ANXA3: variants seen among roughly 807,000 people sequenced by gnomAD.
The protein encoded by ANXA3 is 35-alpha calcimedin.
ANXA3 carries 46 observed loss-of-function variants against 48.8 expected under a neutral mutation model. The ratio of observed to expected loss-of-function variants is 0.94; its 90% CI spans 0.74 to 1.21. ANXA3 has a LOEUF of 1.21. Ranked by LOEUF, ANXA3 falls within the 50% of genes most tolerant of loss-of-function variation. The pLI is 0.00. For synonymous variants in ANXA3, 128 were observed against 134.7 expected, an observed-to-expected ratio of 0.95 and a Z score of 0.35; for missense variants, 383 against 378.6, an observed-to-expected ratio of 1.01 and a Z score of -0.10.
At chr4:78,576,462 A>G in intron 3 of ANXA3, among the ~76,000 whole-genome samples, 1 of 151,960 alleles carries the variant, frequency 6.6e-6, no homozygotes, top group East Asian at 1.9e-4. Flanking sequence ...ATGTGTACCT[A>G]ATTTTTAAAT....
At chr4:78,590,217 G>A (rs1305549947) in intron 6 of ANXA3, among the ~76,000 whole-genome samples, 2 of 152,074 alleles carry the variant, frequency 1.3e-5, no homozygotes, top group African/African-American at 2.4e-5. Context: ...TATCTAACTA[G>A]AATGAAGGAT....
rs560254926 is a variant in ANXA3, at chr4:78,586,576, TATA to T, written c.403+230_403+232del. Reference sequence around the variant, plus strand: ...AACAATAGCATTAATGCTTTACATTTATAATATTACAGCTGCAGTGGATTTTGC... The same window carrying T: ...AACAATAGCATTAATGCTTTACATTTATATTACAGCTGCAGTGGATTTTGC... On this transcript the variant is annotated intron_variant, in intron 6 of 12. Transcript: ENST00000264908. Among the ~76,000 whole-genome samples the T allele has an allele frequency of 7.9e-5, 12 of 152,350 alleles. No homozygotes were observed. In the South Asian group the frequency reaches 2.3e-3, roughly 29 times the overall value.
chr4:78,571,411 T>G (rs947292803), intron 2 of ANXA3, among the ~76,000 whole-genome samples: 1 of 152,228 alleles, frequency 6.6e-6, no homozygotes, highest in African/African-American at 2.4e-5. Context: ...TTATTTTAGA[T>G]GCTATAAGAT....
chr4:78,606,343 A>G (rs1279190648), intron 12 of ANXA3, among the ~76,000 whole-genome samples: 1 of 152,200 alleles, frequency 6.6e-6, no homozygotes, highest in African/African-American at 2.4e-5. Flanking sequence ...CTGAGGGTCT[A>G]AAACTGGGAA....
chr4:78,560,947 AAAAT>A (rs1722614774), intron 2 of ANXA3, among the ~76,000 whole-genome samples: 1 of 152,238 alleles, frequency 6.6e-6, no homozygotes, highest in African/African-American at 2.4e-5. Context: ...CATTATATTA[AAAAT>A]AAATAAAGTT....
chr4:78,596,268 A>G (rs1723422335), intron 9 of ANXA3, among the ~76,000 whole-genome samples: 1 of 152,208 alleles, frequency 6.6e-6, no homozygotes, highest in African/African-American at 2.4e-5. Context: ...AAAGCCAGAC[A>G]CTGCAGGTGA....
rs145026669 is a variant in ANXA3 at position 78,609,409 on chromosome 4, C to T, written c.913-647C>T. Among the ~76,000 whole-genome samples, 435 of 152,288 alleles carry T rather than the reference C, an allele frequency of 2.9e-3. 4 individuals are homozygous for T. Among genetic ancestry groups the T allele is most frequent in the African/African-American group, 9.8e-3 (408 of 41,570 alleles). On this transcript the variant is annotated intron_variant, in intron 12 of 12. Transcript: ENST00000264908. ...CTTTGCCCTTTAAGCCTCAACCTCA[C>T]GTAGTATCTTTTCTGGACAACAGTC...
intron 3 of ANXA3, 45 bp downstream of exon 3, chr4:78,573,312 A>G: frequency 2.8e-6 from 4 of 1,424,828 alleles, no homozygotes; most frequent in Non-Finnish European, 4.0e-6. Flanking sequence ...GAAGCAAATC[A>G]GGCAAGTTAC....
At chr4:78,596,744 A>T (rs974687290) in intron 9 of ANXA3, among the ~76,000 whole-genome samples, 2 of 152,216 alleles carry the variant, frequency 1.3e-5, no homozygotes, top group Admixed American at 1.3e-4. Context: ...TTCTTTTTTT[A>T]AAAATGTATT....
chr4:78,609,982 T>C, intron 12 of ANXA3, 74 bp from the exon 13 acceptor site: 1 of 1,160,988 alleles, frequency 8.6e-7, no homozygotes, highest in Non-Finnish European at 1.3e-6. Context: ...TCCCTAGTGC[T>C]ATAGGATTTG....
At chr4:78,587,006 C>A (rs998469663) in intron 6 of ANXA3, among the ~76,000 whole-genome samples, 1 of 152,102 alleles carries the variant, frequency 6.6e-6, no homozygotes, top group Non-Finnish European at 1.5e-5. Context: ...TTGAATAGCA[C>A]ACTAGAATGA....
At chr4:78,580,855 A>T (rs1723056518) in intron 4 of ANXA3, among the ~76,000 whole-genome samples, 1 of 152,238 alleles carries the variant, frequency 6.6e-6, no homozygotes, top group Non-Finnish European at 1.5e-5. Context: ...TGCCCAGAAA[A>T]CATTTGTTGA....
At chr4:78,595,688 G>A in intron 8 of ANXA3, 106 bp from the exon 9 acceptor site, 1 of 779,670 alleles carries the variant, frequency 1.3e-6, no homozygotes, top group East Asian at 2.7e-5. Flanking sequence ...GAGAGATTTA[G>A]ATAATAGATG....
intron 6 of ANXA3, among the ~76,000 whole-genome samples, chr4:78,588,844 T>G (rs1446710274): frequency 1.3e-5 from 2 of 152,196 alleles, no homozygotes; most frequent in East Asian, 3.8e-4. Context: ...CAGACAGAAG[T>G]AGACAAGAGA....
At chr4:78,555,811 A>T (rs1471170893) in intron 2 of ANXA3, among the ~76,000 whole-genome samples, 1 of 151,844 alleles carries the variant, frequency 6.6e-6, no homozygotes, top group East Asian at 1.9e-4. Context: ...TGTTCATACC[A>T]CTGTACTCCA....
intron 4 of ANXA3, among the ~76,000 whole-genome samples, chr4:78,580,315 G>A (rs1048728561): frequency 6.6e-6 from 1 of 152,108 alleles, no homozygotes; most frequent in Non-Finnish European, 1.5e-5. Flanking sequence ...TTAAGGTACA[G>A]AAAATATAAA....
rs1171714990 is a variant in ANXA3 at position 78,601,721 on chromosome 4, A to AAGGTATG, written c.789+154_789+155insGGTATGA. The AAGGTATG allele has an allele frequency of 1.1e-5, 7 of 622,496 alleles. No individual in the cohort carries two copies. In the East Asian group the frequency reaches 2.0e-4, roughly 18 times the overall value. 38.6% of individuals were successfully genotyped at this position (622,496 alleles called of 1,614,324 possible). A position where few individuals can be genotyped will look rare whatever the true frequency, so the allele number is the denominator to read the frequency against. The stretch of plus-strand genomic sequence containing the variant: ...ATTACAGCAAATCAAGGTATGATAC[A>AAGGTATG]ATACACTCTTTACACAGACACCTGA... On this transcript the variant is annotated intron_variant, in intron 11 of 12. Transcript: ENST00000264908.
chr4:78,604,190 C>A (rs1370641309), intron 11 of ANXA3, 87 bp from the exon 12 acceptor site: 2 of 1,254,382 alleles, frequency 1.6e-6, no homozygotes, highest in East Asian at 2.5e-5. Flanking sequence ...ATTTTGCACA[C>A]CATTATCTGA....
chr4:78,606,496 C>G (rs1723648200), intron 12 of ANXA3, among the ~76,000 whole-genome samples: 1 of 152,126 alleles, frequency 6.6e-6, no homozygotes, highest in Admixed American at 6.5e-5. Context: ...CAGCGATGTC[C>G]CCTGGGGACA....
Sources: allele counts gnomAD v4.1 joint callset (sites outside exome capture counted in the v4.1 genomes callset), GRCh38; gene constraint gnomAD v4.1.1; transcripts MANE v1.5; gene names NCBI Gene and HGNC (gene_info 2026-07-23, HGNC 2026-07-21).